Variants in GRIK3 observed in about 807,000 individuals in gnomAD.
GRIK3 encodes the protein glutamate ionotropic receptor kainate type subunit 3, also known as glutamate receptor ionotropic, kainate 3.
A neutral mutation model predicts 102.5 loss-of-function variants in GRIK3; 29 were observed. The ratio of observed to expected loss-of-function variants is 0.28; its 90% confidence interval spans 0.21 to 0.39. The LOEUF is 0.39. Among genes scored for constraint, GRIK3 ranks in the 10% least tolerant of loss-of-function variants. The pLI, the probability that GRIK3 is intolerant of heterozygous loss-of-function variation, is 1.00. For synonymous variants in GRIK3, 511 were observed against 504.9 expected (o/e 1.01, Z -0.16); for missense variants, 908 against 1,252.4 (o/e 0.73, Z 4.15).
intron 1 of GRIK3, among the ~76,000 whole-genome samples, chr1:36,921,730 T>C (rs2124304786): frequency 6.6e-6 from 1 of 152,294 alleles, no homozygotes; most frequent in South Asian, 2.1e-4. Flanking sequence ...CTTAGGGAAG[T>C]ACATAAAATT....
At chr1:36,840,623 A>C (rs1236825331) in intron 10 of GRIK3, among the ~76,000 whole-genome samples, 1 of 150,786 alleles carries the variant, frequency 6.6e-6, no homozygotes, top group African/African-American at 2.4e-5. Context: ...GCTACTCAGG[A>C]GACTAAGGCA....
intron 1 of GRIK3, among the ~76,000 whole-genome samples, chr1:37,017,924 G>A (rs1055925247): frequency 2.6e-5 from 4 of 152,132 alleles, no homozygotes; most frequent in Non-Finnish European, 5.9e-5. Flanking sequence ...TGACGTCACA[G>A]GGCCAAGAGC....
At chr1:36,915,028 C>T (rs1168174119) in intron 1 of GRIK3, among the ~76,000 whole-genome samples, 3 of 152,294 alleles carry the variant, frequency 2.0e-5, no homozygotes, top group South Asian at 4.1e-4. Flanking sequence ...TTCATAAGTT[C>T]GTGCAAAGGA....
At position 36,841,788 on chromosome 1, in the gene GRIK3, G is replaced by A. The variant is rs1176418664; in HGVS notation, c.1478C>T (p.Ala493Val). ...IRLVEDGKYG[A>V]QDDKGQWNGM... Reference sequence around the variant, plus strand: ...GTTCCACTGGCCCTTGTCATCCTGTGCCCCGTACTTGCCGTCCTCCACCAG... The same window carrying A: ...GTTCCACTGGCCCTTGTCATCCTGTACCCCGTACTTGCCGTCCTCCACCAG... Residue 493 changes from alanine (A) to valine (V), a missense_variant, in exon 10 of 16, where the codon GCA becomes GTA. Physicochemically the swap from Ala to Val is moderately conservative, Grantham distance 64. Around this residue, in one of 3 missense-constraint regions of GRIK3, gnomAD observed 585 missense variants for 824.9 expected, o/e 0.71. Transcript: ENST00000373091. The A allele has an allele frequency of 1.2e-6, 2 of 1,614,044 alleles. No homozygotes were observed. The highest frequency in any genetic ancestry group is 2.2e-5 in the East Asian group (1 of 44,884).
At chr1:36,863,462 A>T (rs1370209545) in intron 5 of GRIK3, among the ~76,000 whole-genome samples, 1 of 151,904 alleles carries the variant, frequency 6.6e-6, no homozygotes, top group Non-Finnish European at 1.5e-5. Context: ...CTCCAGGCTC[A>T]CTTTCCTTCC....
rs376390262 is a variant in GRIK3, at chr1:37,034,103, G to A, written c.6C>T (p.Thr2=). 57 of 1,559,926 alleles carry A rather than the reference G, an allele frequency of 3.7e-5. No individual in the cohort carries two copies. Among genetic ancestry groups the A allele is most frequent in the Non-Finnish European group, 4.9e-5 (56 of 1,147,934 alleles). Residue 2 remains threonine, a synonymous_variant, in exon 1 of 16, where the codon ACC becomes ACT. Transcript: ENST00000373091. ...GACTCCGGAGGCGCCGCCAGGGAGC[G>A]GTCATCGTTGGGCGCCGCCGAGCGT... The part of the protein sequence containing the change: M[T]APWRRLRSLV...
intron 1 of GRIK3, among the ~76,000 whole-genome samples, chr1:36,921,709 T>C (rs1443655063): frequency 2.0e-5 from 3 of 152,132 alleles, no homozygotes; most frequent in Admixed American, 2.0e-4. Flanking sequence ...TGGGTGGCAT[T>C]TTTTTTCTTT....
chr1:36,874,312 A>G (rs1640888398), intron 3 of GRIK3, among the ~76,000 whole-genome samples: 1 of 152,172 alleles, frequency 6.6e-6, no homozygotes, highest in Admixed American at 6.5e-5. Context: ...TGCTTCGGGG[A>G]CAGACATGTA....
At chr1:37,001,112 C>T (rs78970849) in intron 1 of GRIK3, among the ~76,000 whole-genome samples, 1,594 of 152,316 alleles carry the variant, frequency 0.01, 14 homozygotes, top group Admixed American at 0.018. Flanking sequence ...TCATTCAGAA[C>T]TTAAAGAATC....
At chr1:36,956,168 C>T (rs1641903700) in intron 1 of GRIK3, among the ~76,000 whole-genome samples, 2 of 152,206 alleles carry the variant, frequency 1.3e-5, no homozygotes, top group African/African-American at 4.8e-5. Flanking sequence ...CTCCCCTTCT[C>T]AGACTAAGCC....
At chr1:36,936,076 G>A (rs1322662942) in intron 1 of GRIK3, among the ~76,000 whole-genome samples, 1 of 152,172 alleles carries the variant, frequency 6.6e-6, no homozygotes, top group Admixed American at 6.5e-5. Context: ...GGCCACAGGG[G>A]GAGATAAATA....
chr1:36,973,126 C>A (rs1570836931), intron 1 of GRIK3, among the ~76,000 whole-genome samples: 1 of 152,280 alleles, frequency 6.6e-6, no homozygotes, highest in East Asian at 1.9e-4. Flanking sequence ...ATGCACCTAA[C>A]CCTCCCTTGT....
rs117079789 is a variant in GRIK3, at chr1:36,849,064, C to T, written c.1326+1247G>A. Among the ~76,000 whole-genome samples the T allele has an allele frequency of 1.1e-4, 17 of 152,234 alleles. No individual in the cohort carries two copies. The East Asian group carries it at 3.1e-3, about 28-fold the overall frequency. On this transcript the variant is annotated intron_variant, in intron 9 of 15. Transcript: ENST00000373091. ...TCTCAATCATCCTAACCCCGAGGGC[C>T]GATGGTGAGACTCACAGGCTAACAT...
intron 1 of GRIK3, among the ~76,000 whole-genome samples, chr1:37,021,118 G>C (rs1220536065): frequency 1.1e-4 from 16 of 141,980 alleles, no homozygotes; most frequent in African/African-American, 3.5e-4. Flanking sequence ...GTGTGTGTGT[G>C]TGTGTCTGTG....
At chr1:36,993,691 T>TC in intron 1 of GRIK3, among the ~76,000 whole-genome samples, 1 of 152,234 alleles carries the variant, frequency 6.6e-6, no homozygotes, top group Non-Finnish European at 1.5e-5. Flanking sequence ...CCTGGGTTAG[T>TC]CCCCTAGAGC....
intron 1 of GRIK3, among the ~76,000 whole-genome samples, chr1:36,939,942 C>T (rs565311426): frequency 1.3e-5 from 2 of 152,276 alleles, no homozygotes; most frequent in East Asian, 1.9e-4. Context: ...TGAGGTCCCT[C>T]GGTGATCCCT....
chr1:36,907,475 A>C (rs1348335402), intron 1 of GRIK3, among the ~76,000 whole-genome samples: 2 of 152,206 alleles, frequency 1.3e-5, no homozygotes, highest in African/African-American at 4.8e-5. Flanking sequence ...CATCGTTAGA[A>C]AAGTCAGCTA....
At chr1:36,953,706 G>A (rs771469705) in intron 1 of GRIK3, among the ~76,000 whole-genome samples, 1 of 152,126 alleles carries the variant, frequency 6.6e-6, no homozygotes, top group Admixed American at 6.5e-5. Context: ...TCACGGAAGT[G>A]GCACCCGAAG....
intron 1 of GRIK3, among the ~76,000 whole-genome samples, chr1:36,913,109 C>T (rs941085981): frequency 2.2e-4 from 34 of 152,168 alleles, no homozygotes; most frequent in African/African-American, 8.2e-4. Context: ...GGATAGGGGC[C>T]ATGTGCCTGG....
Sources: gnomAD v4.1 joint callset for allele counts (sites outside exome capture counted in the v4.1 genomes callset) on GRCh38, gnomAD v4.1.1 for gene constraint, gnomAD v4.1.1 regional missense constraint, MANE v1.5 for transcripts, NCBI Gene and HGNC (gene_info 2026-07-23, HGNC 2026-07-21) for gene names.